The following ITPR1 variants were observed in gnomAD, a reference collection of about 807,000 sequenced individuals.
The protein encoded by ITPR1 is inositol 1,4,5-trisphosphate-gated calcium channel ITPR1.
In ITPR1, 96 loss-of-function variants were observed where a neutral mutation model predicts 318.4. The observed-to-expected ratio is 0.30, with a 90% confidence interval of 0.26 to 0.36. The LOEUF (loss-of-function observed/expected upper bound fraction) is 0.36. Among genes scored for constraint, ITPR1 ranks in the 10% least tolerant of loss-of-function variants. The pLI, the probability that ITPR1 is intolerant of heterozygous loss-of-function variation, is 1.00. For synonymous variants in ITPR1, 1,312 were observed against 1,289.9 expected (o/e 1.02, Z -0.37); for missense variants, 2,440 against 3,460.2 (o/e 0.71, Z 7.40).
chr3:4,725,517 C>G (rs1436295317), intron 40 of ITPR1, 29 bp from the exon 41 acceptor site: 1 of 1,592,412 alleles, frequency 6.3e-7, no homozygotes. Flanking sequence ...AGTGCCATGA[C>G]TAACGTACTT....
intron 4 of ITPR1, among the ~76,000 whole-genome samples, chr3:4,560,267 T>C (rs2086543148): frequency 6.6e-6 from 1 of 152,198 alleles, no homozygotes; most frequent in Non-Finnish European, 1.5e-5. Context: ...CTTTTTCTTA[T>C]ATTTCACCAA....
At position 4,725,578 on chromosome 3, in the gene ITPR1, T is replaced by C. The variant is rs7613447; in HGVS notation, c.5169T>C (p.Thr1723=). The C allele has an allele frequency of 0.77, 1,229,254 of 1,597,890 alleles. 486,093 individuals carry two copies. The highest frequency in any genetic ancestry group is 0.83 in the Non-Finnish European group (977,824 of 1,178,732). ...CAGCTCCGGATTCTGAGAACGCCAC[T>C]GAGGTGTGTTGCCCGCCTATATTTG... ...LPPAPDSENA[T]EELEPSPPLR... Residue 1723 remains threonine (T), a synonymous_variant, in exon 41 of 62, where the codon ACT becomes ACC. Coordinates refer to ENST00000649015, the MANE Select transcript of ITPR1 (RefSeq NM_001378452.1).
At chr3:4,762,972 T>C (rs918367761) in intron 44 of ITPR1, among the ~76,000 whole-genome samples, 1 of 152,156 alleles carries the variant, frequency 6.6e-6, no homozygotes, top group Non-Finnish European at 1.5e-5. Flanking sequence ...GATAAAGAAA[T>C]TATAGTACAT....
rs2051868091 is a variant in ITPR1 at position 4,847,410 on chromosome 3, CAG to C, written c.*1186_*1187del. 1 of 98,066 alleles carries C rather than the reference CAG, an allele frequency of 1.0e-5. No homozygotes were observed. The highest frequency in any genetic ancestry group is 2.2e-5 in the Non-Finnish European group (1 of 44,988). 6.1% of individuals were successfully genotyped at this position (98,066 alleles called of 1,614,324 possible). A position where few individuals can be genotyped will look rare whatever the true frequency, so the allele number is the denominator to read the frequency against. On this transcript the variant is annotated 3_prime_UTR_variant, in exon 62 of 62. Transcript: ENST00000649015. Reference sequence around the variant, plus strand: ...AATCTCTCTGCAAAAAAAAAAAAAACAGTTTAAAAATGCATTGAAAGCAGAGT... The same window carrying C: ...AATCTCTCTGCAAAAAAAAAAAAAACTTTAAAAATGCATTGAAAGCAGAGT...
chr3:4,656,671 G>C (rs1242627888), intron 12 of ITPR1, among the ~76,000 whole-genome samples: 1 of 152,206 alleles, frequency 6.6e-6, no homozygotes, highest in Non-Finnish European at 1.5e-5. Flanking sequence ...GTAAGAGTTA[G>C]ATTCTCCCAG....
At chr3:4,559,961 C>T (rs2086512993) in intron 4 of ITPR1, among the ~76,000 whole-genome samples, 1 of 152,172 alleles carries the variant, frequency 6.6e-6, no homozygotes, top group Non-Finnish European at 1.5e-5. Context: ...AGTTCTAGAG[C>T]CAGACTGCTT....
intron 30 of ITPR1, 123 bp from the exon 31 acceptor site, chr3:4,688,372 T>C: frequency 8.7e-7 from 1 of 1,146,264 alleles, no homozygotes; most frequent in South Asian, 1.4e-5. Context: ...CCCTCAATAT[T>C]TACCCACAAC....
At chr3:4,766,260 A>G (rs2045811276) in intron 44 of ITPR1, among the ~76,000 whole-genome samples, 1 of 152,214 alleles carries the variant, frequency 6.6e-6, no homozygotes, top group Admixed American at 6.5e-5. Flanking sequence ...TTAGTTGGCA[A>G]CAGTCTGCCC....
At chr3:4,541,194 C>T (rs559077972) in intron 4 of ITPR1, among the ~76,000 whole-genome samples, 12 of 152,122 alleles carry the variant, frequency 7.9e-5, no homozygotes, top group South Asian at 4.1e-4. Flanking sequence ...AATTAACTTA[C>T]GTATTAGTAT....
At chr3:4,802,195 C>A (rs896654960) in intron 54 of ITPR1, among the ~76,000 whole-genome samples, 1 of 152,184 alleles carries the variant, frequency 6.6e-6, no homozygotes, top group East Asian at 1.9e-4. Context: ...GGATTAGGAA[C>A]CTCCAAGGAA....
At chr3:4,845,683 G>C (rs1217629186) in intron 61 of ITPR1, among the ~76,000 whole-genome samples, 1 of 151,966 alleles carries the variant, frequency 6.6e-6, no homozygotes. Flanking sequence ...AACTACTCAA[G>C]AGTCATTGAA....
intron 4 of ITPR1, among the ~76,000 whole-genome samples, chr3:4,604,562 G>A (rs925858043): frequency 1.3e-5 from 2 of 152,126 alleles, no homozygotes; most frequent in African/African-American, 2.4e-5. Flanking sequence ...CAATGTAAAG[G>A]AGCATTTCAG....
chr3:4,556,193 C>T (rs554905458), intron 4 of ITPR1, among the ~76,000 whole-genome samples: 2 of 152,274 alleles, frequency 1.3e-5, no homozygotes, highest in South Asian at 2.1e-4. Context: ...TTCCCCTACT[C>T]CACAGCCTCT....
intron 14 of ITPR1, 119 bp downstream of exon 14, chr3:4,661,206 T>G (rs755642353): frequency 1.8e-6 from 1 of 567,078 alleles, no homozygotes; most frequent in Non-Finnish European, 3.2e-6. Context: ...GAGAGTGTGG[T>G]CATGGCCGAA....
chr3:4,762,301 G>C (rs1575158905), intron 44 of ITPR1, among the ~76,000 whole-genome samples: 2 of 152,224 alleles, frequency 1.3e-5, no homozygotes, highest in African/African-American at 4.8e-5. Flanking sequence ...AAAGCAGTCA[G>C]TGAGTGTTAG....
intron 54 of ITPR1, among the ~76,000 whole-genome samples, chr3:4,804,488 G>A (rs531684458): frequency 1.3e-5 from 2 of 152,336 alleles, no homozygotes; most frequent in African/African-American, 4.8e-5. Flanking sequence ...GAGTCCAGCC[G>A]CAGGCTGAGA....
At chr3:4,524,301 GTTTTTTTTTTTT>G (rs56380229) in intron 4 of ITPR1, among the ~76,000 whole-genome samples, 3 of 73,486 alleles carry the variant, frequency 4.1e-5, no homozygotes, top group African/African-American at 5.5e-5. Context: ...ATACTTTGAC[GTTTTTTTTTTTT>G]TTTTTTTTTT....
At chr3:4,576,414 C>T (rs1347126026) in intron 4 of ITPR1, among the ~76,000 whole-genome samples, 1 of 152,130 alleles carries the variant, frequency 6.6e-6, no homozygotes, top group Non-Finnish European at 1.5e-5. Context: ...TGGATCTTCA[C>T]AAAGAGGTTT....
chr3:4,602,212 T>TA (rs1465037712), intron 4 of ITPR1, among the ~76,000 whole-genome samples: 5 of 152,190 alleles, frequency 3.3e-5, no homozygotes, highest in Admixed American at 1.3e-4. Flanking sequence ...ATTGAAAACA[T>TA]ACGTCTACAT....
Sources: gnomAD v4.1 joint callset for allele counts (sites outside exome capture counted in the v4.1 genomes callset) on GRCh38, gnomAD v4.1.1 for gene constraint, MANE v1.5 for transcripts, NCBI Gene and HGNC (gene_info 2026-07-23, HGNC 2026-07-21) for gene names.